COBL: variants seen among roughly 807,000 people sequenced by gnomAD.
COBL encodes the protein protein cordon-bleu.
Under a neutral mutation model 98.8 loss-of-function variants are expected in COBL, and 51 were observed. The ratio of observed to expected loss-of-function variants is 0.52; its 90% CI spans 0.41 to 0.65. The LOEUF (loss-of-function observed/expected upper bound fraction) is 0.65. COBL is among the 30% of genes least tolerant of loss of function. The pLI is 0.00. For missense variants in COBL, 1,617 were observed against 1,617.5 expected, an observed-to-expected ratio of 1.00 and a Z score of 0.01; for synonymous variants, 634 against 651.7, an observed-to-expected ratio of 0.97 and a Z score of 0.41.
chr7:51,029,399 G>C lies in COBL; in HGVS notation c.1697C>G (p.Ser566Cys), dbSNP rs1361335569. ...GCTGGCAACACCCTCCGAGTCGAAA[G>C]ACCCAGCATTGTTGTTTCTATTGGA... The part of the protein sequence containing the change: ...LFSNRNNNAG[S>C]FDSEGVASRR... The change falls in exon 10 of 13, where the codon TCT becomes TGT. Residue 566 changes from serine (S) to cysteine (C), a missense_variant. Transcript: ENST00000265136. The C allele has an allele frequency of 2.5e-6, 4 of 1,613,428 alleles. No individual in the cohort carries two copies. In the African/African-American group the frequency reaches 5.3e-5, roughly 22 times the overall value.
chr7:51,275,977 A>G (rs1736333844), intron 1 of COBL, among the ~76,000 whole-genome samples: 1 of 152,184 alleles, frequency 6.6e-6, no homozygotes, highest in South Asian at 2.1e-4. Flanking sequence ...TCTTCAATGG[A>G]AATGAGCCTC....
intron 2 of COBL, among the ~76,000 whole-genome samples, chr7:51,210,279 T>TG (rs1176173601): frequency 6.7e-6 from 1 of 149,248 alleles, no homozygotes; most frequent in Non-Finnish European, 1.5e-5. Context: ...AAATTTAAAT[T>TG]GGGGGGAGGC....
intron 2 of COBL, among the ~76,000 whole-genome samples, chr7:51,199,521 C>T (rs1790923452): frequency 6.6e-6 from 1 of 152,128 alleles, no homozygotes; most frequent in South Asian, 2.1e-4. Flanking sequence ...CCAAAATAGC[C>T]ATCTTAAAGA....
intron 7 of COBL, chr7:51,064,983 G>C (rs892625520): frequency 1.3e-5 from 8 of 601,348 alleles, no homozygotes; most frequent in Non-Finnish European, 2.4e-5. Flanking sequence ...GGAGAAACCA[G>C]GGACAATATG....
At position 51,028,808 on chromosome 7, in the gene COBL, G is replaced by A. The variant is rs1787867171; in HGVS notation, c.2288C>T (p.Pro763Leu). The A allele has an allele frequency of 6.2e-7, 1 of 1,614,184 alleles. No homozygotes were observed. Among genetic ancestry groups the A allele is most frequent in the African/African-American group, 1.3e-5 (1 of 75,046 alleles). The change falls in exon 10 of 13, where the codon CCC becomes CTC. Residue 763 changes from proline to leucine, a missense_variant. By Grantham distance (98) the Pro-to-Leu change is moderately conservative. This residue lies in a region of COBL where 1,304 missense variants were observed against 1,282.0 expected (regional missense o/e 1.02). Transcript: ENST00000265136. ...CCAGAACTCTCTGACTTTCCCAATGGGCTGAGATTCTGCTTCAGGCACAGA... is the reference window on the plus strand; with the variant it reads ...CCAGAACTCTCTGACTTTCCCAATGAGCTGAGATTCTGCTTCAGGCACAGA... ...SSSVPEAESQ[P>L]IGKVREFWRC... is the part of the protein sequence containing the mutation.
At chr7:51,042,029 A>C (rs1789247443) in intron 8 of COBL, among the ~76,000 whole-genome samples, 2 of 152,114 alleles carry the variant, frequency 1.3e-5, no homozygotes, top group Non-Finnish European at 2.9e-5. Flanking sequence ...TGGGGACAGG[A>C]ATCAGTGGGA....
At chr7:51,097,893 G>A (rs1002439523) in intron 6 of COBL, among the ~76,000 whole-genome samples, 4 of 151,774 alleles carry the variant, frequency 2.6e-5, no homozygotes, top group Admixed American at 1.3e-4. Flanking sequence ...GCATGGTGGC[G>A]GGCACCTGTA....
At chr7:51,236,783 C>G (rs1795296373) in intron 1 of COBL, among the ~76,000 whole-genome samples, 1 of 152,196 alleles carries the variant, frequency 6.6e-6, no homozygotes, top group South Asian at 2.1e-4. Flanking sequence ...GTCAAGGCAT[C>G]TGGTACACGA....
chr7:51,186,121 G>C (rs745799107), intron 4 of COBL, among the ~76,000 whole-genome samples: 7 of 152,254 alleles, frequency 4.6e-5, no homozygotes, highest in Non-Finnish European at 8.8e-5. Flanking sequence ...GAGCTATAAA[G>C]AGGAAAACAG....
intron 5 of COBL, among the ~76,000 whole-genome samples, chr7:51,144,016 C>G (rs924153671): frequency 6.6e-6 from 1 of 152,150 alleles, no homozygotes; most frequent in East Asian, 1.9e-4. Flanking sequence ...CAAAATAGAA[C>G]TATTTTTCAA....
intron 8 of COBL, chr7:51,035,701 CAATAATT>C (rs1788566735): frequency 6.6e-6 from 1 of 152,058 alleles, no homozygotes; most frequent in Admixed American, 6.5e-5. Flanking sequence ...TGATTTCTGC[CAATAATT>C]AATATAAAAT....
chr7:51,265,816 G>A (rs1798151149), intron 1 of COBL, among the ~76,000 whole-genome samples: 1 of 152,184 alleles, frequency 6.6e-6, no homozygotes, highest in Non-Finnish European at 1.5e-5. Flanking sequence ...TGGACTGGCA[G>A]ATGTTTTGCC....
At chr7:51,214,316 T>TAAAA (rs1554432498) in intron 2 of COBL, among the ~76,000 whole-genome samples, 2 of 150,186 alleles carry the variant, frequency 1.3e-5, no homozygotes, top group Admixed American at 6.6e-5. Context: ...AATAAATAAA[T>TAAAA]AAAGACAATG....
chr7:51,311,290 C>A (rs1188576486), intron 1 of COBL, among the ~76,000 whole-genome samples: 1 of 152,178 alleles, frequency 6.6e-6, no homozygotes, highest in Non-Finnish European at 1.5e-5. Context: ...CGTGCTAACA[C>A]CCCAAGAGGC....
At chr7:51,199,049 T>C (rs1453132193) in intron 2 of COBL, among the ~76,000 whole-genome samples, 2 of 152,154 alleles carry the variant, frequency 1.3e-5, no homozygotes, top group Non-Finnish European at 2.9e-5. Context: ...AAAAGTCCCA[T>C]CTTCCATTTC....
chr7:51,293,969 G>A (rs1316257563), intron 1 of COBL, among the ~76,000 whole-genome samples: 4 of 152,122 alleles, frequency 2.6e-5, no homozygotes, highest in African/African-American at 4.8e-5. Context: ...TCAGTCTGTA[G>A]CTATTTGCCT....
chr7:51,043,729 C>A, intron 7 of COBL, 37 bp from the exon 8 acceptor site: 1 of 1,573,176 alleles, frequency 6.4e-7, no homozygotes, highest in South Asian at 1.1e-5. Flanking sequence ...CAGCCCAAAC[C>A]ACTCTGGCGT....
intron 7 of COBL, among the ~76,000 whole-genome samples, chr7:51,068,228 G>A (rs553997524): frequency 6.6e-6 from 1 of 152,194 alleles, no homozygotes; most frequent in Admixed American, 6.5e-5. Context: ...TGAAAACTTG[G>A]ATAGGGGAGA....
At chr7:51,076,292 T>C (rs1390836629) in intron 7 of COBL, among the ~76,000 whole-genome samples, 1 of 152,248 alleles carries the variant, frequency 6.6e-6, no homozygotes, top group Non-Finnish European at 1.5e-5. Flanking sequence ...ATTAGGGGAC[T>C]CTAATGAGGA....
Sources: gnomAD v4.1 joint callset for allele counts (sites outside exome capture counted in the v4.1 genomes callset) on GRCh38, gnomAD v4.1.1 for gene constraint, gnomAD v4.1.1 regional missense constraint, MANE v1.5 for transcripts, NCBI Gene and HGNC (gene_info 2026-07-23, HGNC 2026-07-21) for gene names.